The following FGF12 variants were observed in gnomAD, a reference collection of about 807,000 sequenced individuals.
The protein encoded by FGF12 is fibroblast growth factor 12.
FGF12 carries 14 observed loss-of-function variants against 23.6 expected under a neutral mutation model. The ratio of observed to expected loss-of-function variants is 0.59; its 90% CI spans 0.39 to 0.93. The LOEUF is 0.93. FGF12 is among the 40% of genes least tolerant of loss of function. The pLI is 0.00. For missense variants in FGF12, 175 were observed against 217.8 expected (o/e 0.80, Z 1.24); for synonymous variants, 62 against 77.3 (o/e 0.80, Z 1.04).
At chr3:192,567,023 T>C (rs1712325820) in intron 2 of FGF12, among the ~76,000 whole-genome samples, 1 of 152,132 alleles carries the variant, frequency 6.6e-6, no homozygotes, top group African/African-American at 2.4e-5. Context: ...ACACAGCACC[T>C]CACACTTTAC....
At chr3:192,161,694 T>A (rs1714893829) in intron 5 of FGF12, among the ~76,000 whole-genome samples, 2 of 152,168 alleles carry the variant, frequency 1.3e-5, no homozygotes, top group South Asian at 4.1e-4. Flanking sequence ...TTAACCTTCA[T>A]ACTTCCAAGG....
intron 2 of FGF12, among the ~76,000 whole-genome samples, chr3:192,504,015 A>G (rs1724215128): frequency 6.6e-6 from 1 of 152,138 alleles, no homozygotes; most frequent in Non-Finnish European, 1.5e-5. Context: ...GTCATAAAAA[A>G]GAATGAGATT....
At chr3:192,523,625 C>G (rs952562724) in intron 2 of FGF12, among the ~76,000 whole-genome samples, 1 of 152,166 alleles carries the variant, frequency 6.6e-6, no homozygotes, top group Non-Finnish European at 1.5e-5. Flanking sequence ...CCAAATAAAA[C>G]TTTCATCAAA....
At chr3:192,433,243 G>C (rs1428298877) in intron 2 of FGF12, among the ~76,000 whole-genome samples, 2 of 152,146 alleles carry the variant, frequency 1.3e-5, no homozygotes, top group Non-Finnish European at 2.9e-5. Flanking sequence ...ATATTTGGGA[G>C]TAATCTTCTC....
chr3:192,222,787 T>C (rs1718542621), intron 4 of FGF12, among the ~76,000 whole-genome samples: 2 of 152,154 alleles, frequency 1.3e-5, no homozygotes, highest in African/African-American at 4.8e-5. Context: ...AATATGGCCA[T>C]GAGTTTCACC....
chr3:192,536,737 C>A (rs1725233571), intron 2 of FGF12, among the ~76,000 whole-genome samples: 1 of 151,914 alleles, frequency 6.6e-6, no homozygotes, highest in African/African-American at 2.4e-5. Context: ...GCATATAATG[C>A]ATAATAATCA....
At chr3:192,663,368 G>C (rs1716740444) in intron 2 of FGF12, among the ~76,000 whole-genome samples, 1 of 152,116 alleles carries the variant, frequency 6.6e-6, no homozygotes, top group Admixed American at 6.5e-5. Flanking sequence ...TAATAACTTT[G>C]TCAAAGCACC....
At chr3:192,299,968 T>C (rs1031696903) in intron 4 of FGF12, among the ~76,000 whole-genome samples, 2 of 152,184 alleles carry the variant, frequency 1.3e-5, no homozygotes, top group African/African-American at 2.4e-5. Flanking sequence ...GCCTCAGGTA[T>C]TTATGCATTT....
At chr3:192,665,527 G>A (rs569234493) in intron 2 of FGF12, among the ~76,000 whole-genome samples, 10 of 146,580 alleles carry the variant, frequency 6.8e-5, no homozygotes, top group South Asian at 2.2e-4. Context: ...ACCAAATACC[G>A]CATGTTCTCA....
At chr3:192,474,885 CAAA>C (rs769330773) in intron 2 of FGF12, among the ~76,000 whole-genome samples, 3 of 64,406 alleles carry the variant, frequency 4.7e-5, no homozygotes, top group Admixed American at 1.6e-4. Context: ...AACTTCATCT[CAAA>C]AAAAAAAAAA....
chr3:192,180,612 C>T (rs1716117362), intron 4 of FGF12, among the ~76,000 whole-genome samples: 1 of 152,150 alleles, frequency 6.6e-6, no homozygotes, highest in Non-Finnish European at 1.5e-5. Context: ...TTTGGAAAGT[C>T]ACATTTCATA....
intron 2 of FGF12, among the ~76,000 whole-genome samples, chr3:192,599,318 A>C (rs1049628740): frequency 8.7e-5 from 13 of 149,416 alleles, no homozygotes; most frequent in African/African-American, 2.8e-4. Context: ...ACAGTCCTGA[A>C]TTTAGGCCTT....
chr3:192,686,815 A>ATT (rs57045697), intron 2 of FGF12, among the ~76,000 whole-genome samples: 911 of 61,548 alleles, frequency 0.015, 105 homozygotes, highest in African/African-American at 0.019. Flanking sequence ...TTTTTCTCTA[A>ATT]TTTTTTTTTT....
intron 4 of FGF12, among the ~76,000 whole-genome samples, chr3:192,175,543 T>C (rs1370044562): frequency 6.6e-6 from 1 of 152,238 alleles, no homozygotes; most frequent in African/African-American, 2.4e-5. Flanking sequence ...AGAAAATGAA[T>C]ATTTTGATAG....
At chr3:192,174,172 G>C (rs989917657) in intron 4 of FGF12, among the ~76,000 whole-genome samples, 5 of 152,144 alleles carry the variant, frequency 3.3e-5, no homozygotes, top group Non-Finnish European at 5.9e-5. Flanking sequence ...TTATACATGA[G>C]AAAAACAACA....
intron 2 of FGF12, among the ~76,000 whole-genome samples, chr3:192,690,474 T>C (rs562910019): frequency 2.0e-5 from 3 of 150,630 alleles, no homozygotes; most frequent in African/African-American, 4.9e-5. Flanking sequence ...CAGCTTAAAG[T>C]AGACATACAG....
At chr3:192,267,119 C>T (rs1056761320) in intron 4 of FGF12, 6 of 152,072 alleles carry the variant, frequency 3.9e-5, no homozygotes, top group Admixed American at 2.0e-4. Flanking sequence ...CCTGACAATG[C>T]GAACAACAGA....
At position 192,149,301 on chromosome 3, in the gene FGF12, G is replaced by A. The variant is rs568384720; in HGVS notation, c.428-5174C>T. 3.5e-5 allele frequency among the ~76,000 whole-genome samples: 5 copies of A among 140,914 alleles called. No individual in the cohort carries two copies. In the South Asian group the frequency reaches 1.2e-3, roughly 34 times the overall value. 92.4% of individuals were successfully genotyped at this position (140,914 alleles called of 152,430 possible). A position where few individuals can be genotyped will look rare whatever the true frequency, so the allele number is the denominator to read the frequency against. On this transcript the variant is annotated intron_variant, in intron 5 of 5. Transcript: ENST00000445105. The stretch of plus-strand genomic sequence containing the variant: ...TGAGTGAACTCTGTAAGGAATGACT[G>A]GCAGCATTTGAACCTTTTTTTTATT...
Position 192,727,462 on chromosome 3 carries a change from A to ATT in FGF12, c.-131+20_-131+21dup, listed in dbSNP as rs34864946. The ATT allele has an allele frequency of 0.12, 65,175 of 555,318 alleles. 4,897 individuals carry two copies. Among genetic ancestry groups the ATT allele is most frequent in the African/African-American group, 0.33 (15,862 of 47,776 alleles). The allele number at this position is 555,318 out of a possible 1,614,324, so 34.4% of individuals were successfully genotyped here. A position where few individuals can be genotyped will look rare whatever the true frequency, so the allele number is the denominator to read the frequency against. ...AAATGCATGCACAGTGCCCGCTCAG[A>ATT]TTTTTTTTTTTTTTTTTTTACCTGG... On this transcript the variant is annotated intron_variant, in intron 1 of 5. Transcript: ENST00000445105.
Sources: gnomAD v4.1 joint callset for allele counts (sites outside exome capture counted in the v4.1 genomes callset) on GRCh38, gnomAD v4.1.1 for gene constraint, MANE v1.5 for transcripts, NCBI Gene and HGNC (gene_info 2026-07-23, HGNC 2026-07-21) for gene names.